Variants in FAM53A observed in about 807,000 individuals in gnomAD.
FAM53A encodes family with sequence similarity 53 member A.
Under a neutral mutation model 26.6 loss-of-function variants are expected in FAM53A, and 28 were observed. The ratio of observed to expected loss-of-function variants is 1.05; its 90% confidence interval spans 0.78 to 1.45. FAM53A has a LOEUF of 1.45. FAM53A is among the 40% of genes most tolerant of loss of function. The pLI is 0.00. For missense variants in FAM53A, 650 were observed against 575.8 expected (o/e 1.13, Z -1.32); for synonymous variants, 290 against 253.1 (o/e 1.15, Z -1.38).
intron 4 of FAM53A, among the ~76,000 whole-genome samples, chr4:1,648,810 G>C (rs889875755): frequency 1.1e-4 from 16 of 152,166 alleles, no homozygotes; most frequent in African/African-American, 3.9e-4. Context: ...CATTAACAAA[G>C]TCACTGAAGA....
the FAM53A span, among the ~76,000 whole-genome samples, chr4:1,602,444 T>C: frequency 6.6e-6 from 1 of 152,238 alleles, no homozygotes; most frequent in Admixed American, 6.5e-5. Flanking sequence ...GGTGTCTGCC[T>C]GCTTATGTGA....
intron 3 of FAM53A, among the ~76,000 whole-genome samples, chr4:1,656,865 T>A (rs1408564728): frequency 6.6e-6 from 1 of 152,132 alleles, no homozygotes; most frequent in Admixed American, 6.5e-5. Context: ...GAGATGCCCC[T>A]GGGACCTTCG....
intron 4 of FAM53A, among the ~76,000 whole-genome samples, 184 bp from the exon 5 acceptor site, chr4:1,641,791 C>T (rs1711745363): frequency 6.6e-6 from 1 of 152,126 alleles, no homozygotes; most frequent in African/African-American, 2.4e-5. Flanking sequence ...AGACCCTGCC[C>T]ATGCCCGCCC....
At chr4:1,615,438 C>T (rs1420857845), downstream of FAM53A, among the ~76,000 whole-genome samples, 4 of 145,176 alleles carry the variant, frequency 2.8e-5, no homozygotes, top group African/African-American at 1.0e-4. Flanking sequence ...AGGATGCGGC[C>T]ACACCCACCC....
In FAM53A at chr4:1,656,976, G is replaced by A. The variant is rs116659512; in HGVS notation, c.136+432C>T. 6.5e-3 allele frequency among the ~76,000 whole-genome samples: 984 copies of A among 152,270 alleles called. 11 individuals carry two copies. The highest frequency in any genetic ancestry group is 0.022 in the African/African-American group (925 of 41,544). ...CTCCATCAATGAAGGGCCCACCTGC[G>A]GGTGAACCAGGCACAGCCACACCCT... On this transcript the variant is annotated intron_variant, in intron 3 of 4. Coordinates refer to ENST00000308132, the MANE Select transcript of FAM53A (RefSeq NM_001174070.3).
the FAM53A span, among the ~76,000 whole-genome samples, chr4:1,612,437 T>C: frequency 1.4e-4 from 22 of 151,980 alleles, no homozygotes; most frequent in Non-Finnish European, 2.9e-4. Context: ...GCCAGCACGC[T>C]CGAGGGGTGT....
At chr4:1,636,738 C>T (rs541596703), downstream of FAM53A, among the ~76,000 whole-genome samples, 16 of 152,358 alleles carry the variant, frequency 1.1e-4, no homozygotes, top group East Asian at 2.3e-3. Context: ...CTGGGTTTTT[C>T]GGGTACAGAG....
downstream of FAM53A, among the ~76,000 whole-genome samples, chr4:1,615,460 A>G (rs1275124618): frequency 2.0e-5 from 3 of 149,382 alleles, no homozygotes; most frequent in African/African-American, 7.5e-5. Context: ...ACGTGGGCAC[A>G]CATGGAAGAC....
intron 1 of FAM53A, among the ~76,000 whole-genome samples, chr4:1,619,642 C>T (rs1714942030): frequency 6.6e-6 from 1 of 152,264 alleles, no homozygotes; most frequent in Admixed American, 6.5e-5. Flanking sequence ...CGCCCTTCAT[C>T]TCCAGCGTCT....
chr4:1,576,124 A>T, the FAM53A span, among the ~76,000 whole-genome samples: 1 of 152,204 alleles, frequency 6.6e-6, no homozygotes, highest in East Asian at 1.9e-4. Flanking sequence ...ATAAAGAGCA[A>T]ATCAGGGCCC....
chr4:1,628,842 TG>T (rs1434033772), intron 1 of FAM53A, among the ~76,000 whole-genome samples: 3 of 24,818 alleles, frequency 1.2e-4, no homozygotes, highest in East Asian at 2.2e-3. Context: ...GAGGTTGGCA[TG>T]GGGGGAGGGC....
rs535498522 is a variant in FAM53A at position 1,655,443 on chromosome 4, G to A, written c.417C>T (p.Pro139=). 5.8e-5 allele frequency: 89 copies of A among 1,524,046 alleles called. No individual in the cohort carries two copies. The highest frequency in any genetic ancestry group is 6.9e-5 in the Non-Finnish European group (78 of 1,135,852). 94.4% of individuals were successfully genotyped at this position (1,524,046 alleles called of 1,614,324 possible). A position where few individuals can be genotyped will look rare whatever the true frequency, so the allele number is the denominator to read the frequency against. Residue 139 remains proline, a synonymous_variant, in exon 4 of 5, where the codon CCC becomes CCT. Transcript: ENST00000308132. The stretch of plus-strand genomic sequence containing the variant: ...CTGGAGTCCAGACCTTGGAGCTGCC[G>A]GGGCGCCAGGGGGACCGGCAGCGCA... ...ELVRCRSPWR[P]GSSKVWTPVS...
chr4:1,626,043 G>T (rs1050495457), intron 1 of FAM53A, among the ~76,000 whole-genome samples: 3 of 152,146 alleles, frequency 2.0e-5, no homozygotes, highest in South Asian at 2.1e-4. Context: ...GCCCCGACTC[G>T]GTGTGGCTGC....
chr4:1,643,294 G>C (rs377641079), intron 4 of FAM53A, among the ~76,000 whole-genome samples: 6 of 151,930 alleles, frequency 3.9e-5, no homozygotes, highest in Non-Finnish European at 8.8e-5. Flanking sequence ...GTGAAGCCCC[G>C]TCTCTACTAA....
In FAM53A at chr4:1,651,520, G is replaced by A. The variant is rs1228902584; in HGVS notation, c.882+3458C>T. Among the ~76,000 whole-genome samples, 10 of 127,616 alleles carry A rather than the reference G, an allele frequency of 7.8e-5. No individual in the cohort carries two copies. In the Admixed American group the frequency reaches 7.9e-4, roughly 10 times the overall value. 83.7% of individuals were successfully genotyped at this position (127,616 alleles called of 152,430 possible). A position where few individuals can be genotyped will look rare whatever the true frequency, so the allele number is the denominator to read the frequency against. On this transcript the variant is annotated intron_variant, in intron 4 of 4. Coordinates refer to ENST00000308132, the MANE Select transcript of FAM53A (RefSeq NM_001174070.3). The stretch of plus-strand genomic sequence containing the variant: ...GCATTCCAGCCTGGGCAAAAAGAGC[G>A]AAATTCTGTCTTAAAAAAAAAAAAA...
At chr4:1,595,251 G>A in the FAM53A span, among the ~76,000 whole-genome samples, 1 of 152,220 alleles carries the variant, frequency 6.6e-6, no homozygotes. Context: ...AGCAGCAGGG[G>A]TGCAAGAAGG....
chr4:1,679,316 G>A (rs556233002), intron 1 of FAM53A, among the ~76,000 whole-genome samples: 1 of 148,892 alleles, frequency 6.7e-6, no homozygotes, highest in African/African-American at 2.5e-5. Context: ...GAACCCAGGA[G>A]CTGAGGTTGC....
In FAM53A at chr4:1,655,362, G is replaced by A. The variant is rs950995586; in HGVS notation, c.498C>T (p.Gly166=). The change falls in exon 4 of 5, where the codon GGC becomes GGT. Residue 166 remains glycine, a synonymous_variant. Transcript: ENST00000308132. ...ACACAGCACTCCTCGGCAGGACGGC[G>A]CCGGGGCTTCCCTGCCGCGTGGCAC... The part of the protein sequence containing the change: ...GGSATRQGSP[G]AVLPRSAVWS... 6.2e-6 allele frequency: 9 copies of A among 1,440,480 alleles called. No homozygotes were observed. In the African/African-American group the frequency reaches 8.9e-5, roughly 14 times the overall value. The allele number at this position is 1,440,480 out of a possible 1,614,324, so 89.2% of individuals were successfully genotyped here. A position where few individuals can be genotyped will look rare whatever the true frequency, so the allele number is the denominator to read the frequency against.
At chr4:1,668,620 A>G in intron 2 of FAM53A, 47 bp downstream of exon 2, 2 of 1,602,016 alleles carry the variant, frequency 1.2e-6, no homozygotes, top group Non-Finnish European at 8.5e-7. Context: ...CCCCTGTGAC[A>G]GCACGGGGGA....
Sources: gnomAD v4.1 joint callset for allele counts (sites outside exome capture counted in the v4.1 genomes callset) on GRCh38, gnomAD v4.1.1 for gene constraint, MANE v1.5 for transcripts, NCBI Gene and HGNC (gene_info 2026-07-23, HGNC 2026-07-21) for gene names.